The following CDH12 variants were observed in gnomAD, a reference collection of about 807,000 sequenced individuals.
The protein encoded by CDH12 is cadherin 12.
A neutral mutation model predicts 74.1 loss-of-function variants in CDH12; 41 were observed. The observed-to-expected ratio is 0.55, with a 90% CI of 0.43 to 0.72. The LOEUF (loss-of-function observed/expected upper bound fraction) is 0.72. Ranked by LOEUF, CDH12 falls within the 30% of genes least tolerant of loss-of-function variation. The pLI, the probability that CDH12 is intolerant of heterozygous loss-of-function variation, is 0.00. For synonymous variants in CDH12, 399 were observed against 355.0 expected (o/e 1.12, Z -1.39); for missense variants, 945 against 977.2 (o/e 0.97, Z 0.44).
At chr5:22,344,944 A>G (rs898172993) in intron 3 of CDH12, among the ~76,000 whole-genome samples, 1 of 152,210 alleles carries the variant, frequency 6.6e-6, no homozygotes, top group Non-Finnish European at 1.5e-5. Flanking sequence ...AGTCACTTAG[A>G]AAAGTTATTG....
chr5:22,571,574 G>A (rs761006963), intron 1 of CDH12, among the ~76,000 whole-genome samples: 2 of 152,290 alleles, frequency 1.3e-5, no homozygotes, highest in South Asian at 2.1e-4. Context: ...TGTTCCACCC[G>A]CCTTGGCCTC....
At chr5:21,846,436 C>A (rs1454489533) in intron 7 of CDH12, among the ~76,000 whole-genome samples, 1 of 151,956 alleles carries the variant, frequency 6.6e-6, no homozygotes. Context: ...GTTCATTATC[C>A]CAGACAATGA....
chr5:22,669,411 G>A (rs1395846225), intron 1 of CDH12, among the ~76,000 whole-genome samples: 1 of 152,144 alleles, frequency 6.6e-6, no homozygotes, highest in Admixed American at 6.5e-5. Context: ...ATGTATTTGT[G>A]GCAGACACAG....
chr5:22,734,242 G>A (rs1011840476), intron 1 of CDH12, among the ~76,000 whole-genome samples: 1 of 151,890 alleles, frequency 6.6e-6, no homozygotes, highest in African/African-American at 2.4e-5. Context: ...ATCGCCAACT[G>A]ATTGCCTTCT....
intron 3 of CDH12, among the ~76,000 whole-genome samples, chr5:22,372,279 C>T (rs908264328): frequency 4.9e-4 from 75 of 152,148 alleles, no homozygotes; most frequent in African/African-American, 1.7e-3. Flanking sequence ...CACTGGGACT[C>T]AACAGAGAAG....
rs1561585864 is a variant in CDH12, at chr5:22,698,711, ATATATATATATATATATATATATAGT to A, written c.-523+154321_-523+154346del. ...TATATATATATATATATATATATAT[ATATATATATATATATATATATATAGT>A]GTGTGTGTGTGTGTGTGTGTGTGTG... On this transcript the variant is annotated intron_variant, in intron 1 of 14. Coordinates refer to ENST00000382254, the MANE Select transcript of CDH12 (RefSeq NM_004061.5). 9.4e-4 allele frequency among the ~76,000 whole-genome samples: 20 copies of A among 21,172 alleles called. 3 individuals are homozygous for A. Among genetic ancestry groups the A allele is most frequent in the Admixed American group, 2.1e-3 (4 of 1,950 alleles). The allele number at this position is 21,172 out of a possible 152,430, so 13.9% of individuals were successfully genotyped here.
chr5:22,281,912 G>T (rs62250827), intron 3 of CDH12, among the ~76,000 whole-genome samples: 1 of 152,098 alleles, frequency 6.6e-6, no homozygotes, highest in African/African-American at 2.4e-5. Flanking sequence ...AGCCCGCATA[G>T]CAAAGACAAT....
intron 3 of CDH12, among the ~76,000 whole-genome samples, chr5:22,362,596 A>T (rs1232165541): frequency 6.6e-6 from 1 of 152,078 alleles, no homozygotes; most frequent in African/African-American, 2.4e-5. Flanking sequence ...TACCCAAAGG[A>T]TTATAAATCA....
chr5:21,949,648 C>T (rs894232375), intron 6 of CDH12, among the ~76,000 whole-genome samples: 22 of 151,814 alleles, frequency 1.4e-4, no homozygotes, highest in African/African-American at 3.6e-4. Flanking sequence ...TGTAGGACTA[C>T]GCTAGTATGT....
intron 5 of CDH12, among the ~76,000 whole-genome samples, chr5:22,028,302 G>A (rs1213481693): frequency 2.0e-5 from 3 of 152,088 alleles, no homozygotes; most frequent in Non-Finnish European, 4.4e-5. Context: ...ATTCAATTAG[G>A]AAAAGAAGAA....
chr5:22,675,832 T>C (rs1741143369), intron 1 of CDH12, among the ~76,000 whole-genome samples: 1 of 130,968 alleles, frequency 7.6e-6, no homozygotes. Flanking sequence ...AATACAAACT[T>C]TAAATACATA....
In CDH12 at chr5:22,060,820, T is replaced by C. The variant is rs575378352; in HGVS notation, c.231+17626A>G. ...GGCCACATGCTTCTACCCAGTAAAA[T>C]AGAGAAAATGTCACGCTCCGAAACA... On this transcript the variant is annotated intron_variant, in intron 5 of 14. Transcript: ENST00000382254. Among the ~76,000 whole-genome samples, 41 of 152,136 alleles carry C rather than the reference T, an allele frequency of 2.7e-4. 1 individual carries two copies. Among genetic ancestry groups the C allele is most frequent in the East Asian group, 1.5e-3 (8 of 5,168 alleles).
chr5:22,490,456 A>G (rs181098903), intron 2 of CDH12, among the ~76,000 whole-genome samples: 1 of 152,284 alleles, frequency 6.6e-6, no homozygotes, highest in African/African-American at 2.4e-5. Flanking sequence ...ATACCTGCAT[A>G]ACAAGCCATT....
intron 1 of CDH12, among the ~76,000 whole-genome samples, chr5:22,745,497 G>A (rs1745248245): frequency 6.6e-6 from 1 of 152,078 alleles, no homozygotes; most frequent in Admixed American, 6.6e-5. Flanking sequence ...ATTCACAATA[G>A]CAAAGTCACT....
chr5:22,067,706 G>A (rs1741666031), intron 5 of CDH12, among the ~76,000 whole-genome samples: 1 of 152,164 alleles, frequency 6.6e-6, no homozygotes, highest in Non-Finnish European at 1.5e-5. Flanking sequence ...TGGGGACAAA[G>A]CCTTGCCTCC....
chr5:22,109,540 A>G (rs1459304102), intron 4 of CDH12, among the ~76,000 whole-genome samples: 1 of 152,252 alleles, frequency 6.6e-6, no homozygotes, highest in Admixed American at 6.5e-5. Flanking sequence ...TGTCAGTTTC[A>G]TGCCTTCTAC....
chr5:22,474,667 G>A (rs1746097492), intron 2 of CDH12, among the ~76,000 whole-genome samples: 1 of 152,044 alleles, frequency 6.6e-6, no homozygotes, highest in African/African-American at 2.4e-5. Context: ...CCTTAGCAGA[G>A]GAAAACTAAG....
chr5:22,810,124 A>G (rs559432458), intron 1 of CDH12, among the ~76,000 whole-genome samples: 67 of 152,320 alleles, frequency 4.4e-4, no homozygotes, highest in African/African-American at 1.6e-3. Context: ...ATTAGTTTGT[A>G]TTTATTCAGT....
rs868084329 is a variant in CDH12 at position 22,038,627 on chromosome 5, C to T, written c.231+39819G>A. 5.3e-5 allele frequency among the ~76,000 whole-genome samples: 8 copies of T among 152,334 alleles called. No individual in the cohort carries two copies. The South Asian group carries it at 1.4e-3, about 28-fold the overall frequency. On this transcript the variant is annotated intron_variant, in intron 5 of 14. Coordinates refer to ENST00000382254, the MANE Select transcript of CDH12 (RefSeq NM_004061.5). The stretch of plus-strand genomic sequence containing the variant: ...TGCCAAAGTCACTCCATATACTTCT[C>T]TCAGCCACCATTCGTGCCTAAGTTG...
Sources: allele counts gnomAD v4.1 joint callset (sites outside exome capture counted in the v4.1 genomes callset), GRCh38; gene constraint gnomAD v4.1.1; transcripts MANE v1.5; gene names NCBI Gene and HGNC (gene_info 2026-07-23, HGNC 2026-07-21).